EPC2: variants seen among roughly 807,000 people sequenced by gnomAD.
The protein encoded by EPC2 is enhancer of polycomb homolog 2.
A neutral mutation model predicts 92.1 loss-of-function variants in EPC2; 14 were observed. The observed-to-expected ratio is 0.15, with a 90% confidence interval of 0.10 to 0.24. The LOEUF (loss-of-function observed/expected upper bound fraction) is 0.24. Ranked by LOEUF, EPC2 falls within the 10% of genes least tolerant of loss-of-function variation. The pLI is 1.00. For synonymous variants in EPC2, 340 were observed against 334.7 expected (o/e 1.02, Z -0.17); for missense variants, 755 against 971.5 (o/e 0.78, Z 2.96).
rs201098073 is a variant in EPC2 at position 148,771,138 on chromosome 2, A to G, written c.1471A>G (p.Ile491Val). The change falls in exon 10 of 14, where the codon ATA becomes GTA. Residue 491 changes from isoleucine to valine, a missense_variant. Transcript: ENST00000258484. ...LNSFSSSSQTIDFSSNFSRTN... is the reference protein window; with the variant it reads ...LNSFSSSSQTVDFSSNFSRTN... ...TAGTTTTTCAAGCTCTTCCCAAACT[A>G]TAGACTTTTCTTCTAATTTCTCTCG... 8 of 1,613,978 alleles carry G rather than the reference A, an allele frequency of 5.0e-6. No individual in the cohort carries two copies. The highest frequency in any genetic ancestry group is 2.2e-5 in the East Asian group (1 of 44,874).
At chr2:148,755,434 A>G (rs1457856246) in intron 4 of EPC2, among the ~76,000 whole-genome samples, 1 of 152,158 alleles carries the variant, frequency 6.6e-6, no homozygotes. Context: ...AGGCGTGAGA[A>G]GTAGGGAAGG....
At chr2:148,731,642 TC>T (rs1682632758) in intron 2 of EPC2, among the ~76,000 whole-genome samples, 2 of 152,188 alleles carry the variant, frequency 1.3e-5, no homozygotes, top group South Asian at 4.1e-4. Context: ...CTTCAGGTGA[TC>T]CGCCTGCCTC....
intron 1 of EPC2, among the ~76,000 whole-genome samples, chr2:148,678,919 G>T (rs556224905): frequency 6.6e-5 from 10 of 152,368 alleles, no homozygotes; most frequent in African/African-American, 2.4e-4. Flanking sequence ...GCGAGCGAGG[G>T]CTGTGAGGAC....
chr2:148,715,891 G>A (rs552960405), intron 2 of EPC2, among the ~76,000 whole-genome samples: 1 of 152,138 alleles, frequency 6.6e-6, no homozygotes, highest in South Asian at 2.1e-4. Context: ...TGTCCTCTCT[G>A]ATTTCTTTGA....
intron 1 of EPC2, among the ~76,000 whole-genome samples, chr2:148,649,710 C>T (rs1367981278): frequency 6.6e-6 from 1 of 152,190 alleles, no homozygotes. Flanking sequence ...AGACCCTTGA[C>T]ATTGGTGTCA....
intron 2 of EPC2, among the ~76,000 whole-genome samples, chr2:148,703,637 T>C (rs2105378944): frequency 6.6e-6 from 1 of 152,240 alleles, no homozygotes; most frequent in East Asian, 1.9e-4. Flanking sequence ...CTAGCACTTC[T>C]CCCACCTCAA....
intron 1 of EPC2, among the ~76,000 whole-genome samples, chr2:148,664,157 A>T (rs1022303264): frequency 5.9e-5 from 9 of 152,190 alleles, no homozygotes; most frequent in African/African-American, 2.2e-4. Context: ...TTTTATATAT[A>T]GTGACATTAT....
chr2:148,712,344 A>G (rs1682163712), intron 2 of EPC2, among the ~76,000 whole-genome samples: 1 of 152,246 alleles, frequency 6.6e-6, no homozygotes, highest in South Asian at 2.1e-4. Context: ...CACAGGTTGT[A>G]CAAGTACTTT....
chr2:148,711,898 T>G (rs990577685), intron 2 of EPC2, among the ~76,000 whole-genome samples: 7 of 152,180 alleles, frequency 4.6e-5, no homozygotes, highest in Non-Finnish European at 7.4e-5. Context: ...TTATAGGTAC[T>G]CTGGCTTTGT....
At chr2:148,724,350 G>A (rs371956542) in intron 2 of EPC2, among the ~76,000 whole-genome samples, 1 of 152,030 alleles carries the variant, frequency 6.6e-6, no homozygotes, top group African/African-American at 2.4e-5. Flanking sequence ...CAGGATAATA[G>A]CATGTCCATC....
chr2:148,721,634 G>GCTTCACATGTTGCTTGTGTTC (rs1288373859), intron 2 of EPC2, among the ~76,000 whole-genome samples: 1 of 150,044 alleles, frequency 6.7e-6, no homozygotes, highest in Non-Finnish European at 1.5e-5. Flanking sequence ...AGTCATTGTT[G>GCTTCACATGTTGCTTGTGTTC]CTTCACATGT....
rs1683887001 is a variant in EPC2 at position 148,787,261 on chromosome 2, G to A, written c.*884G>A. On this transcript the variant is annotated 3_prime_UTR_variant, in exon 14 of 14. Transcript: ENST00000258484. Reference sequence around the variant, plus strand: ...CATTATATCATTGCAATAATTATTGGAAGTCTAGATATCGAGCCATCCCAG... The same window carrying A: ...CATTATATCATTGCAATAATTATTGAAAGTCTAGATATCGAGCCATCCCAG... The A allele has an allele frequency of 2.7e-5, 4 of 150,758 alleles. No homozygotes were observed. The highest frequency in any genetic ancestry group is 9.8e-5 in the African/African-American group (4 of 40,790). The allele number at this position is 150,758 out of a possible 1,614,324, so 9.3% of individuals were successfully genotyped here.
chr2:148,656,036 G>GT (rs1243574095), intron 1 of EPC2, among the ~76,000 whole-genome samples: 4 of 91,392 alleles, frequency 4.4e-5, no homozygotes, highest in Non-Finnish European at 8.8e-5. Flanking sequence ...GGGGGGGGGG[G>GT]GGTTATTCTA....
chr2:148,678,489 C>T lies in EPC2; in HGVS notation c.154-11725C>T, dbSNP rs531138699. On this transcript the variant is annotated intron_variant, in intron 1 of 13. Coordinates refer to ENST00000258484, the MANE Select transcript of EPC2 (RefSeq NM_015630.4). ...GAGGAGGCTCGGGCTGCGCAGGAGC[C>T]CATGGAGGGAGTGGGAGGCTTAGGC... 1.9e-4 allele frequency among the ~76,000 whole-genome samples: 29 copies of T among 152,360 alleles called. No individual in the cohort carries two copies. In the South Asian group the frequency reaches 5.6e-3, roughly 29 times the overall value.
intron 2 of EPC2, among the ~76,000 whole-genome samples, chr2:148,726,205 A>G (rs560069009): frequency 6.6e-6 from 1 of 152,262 alleles, no homozygotes; most frequent in African/African-American, 2.4e-5. Context: ...GTCCATGGAC[A>G]TTTGGGTTGC....
intron 1 of EPC2, among the ~76,000 whole-genome samples, chr2:148,679,305 A>G (rs1224422973): frequency 6.6e-6 from 1 of 152,178 alleles, no homozygotes; most frequent in Non-Finnish European, 1.5e-5. Context: ...TTAGTCTTGA[A>G]ATTTGATTCT....
intron 2 of EPC2, among the ~76,000 whole-genome samples, chr2:148,739,072 C>T (rs1198979446): frequency 6.6e-6 from 1 of 152,180 alleles, no homozygotes; most frequent in Non-Finnish European, 1.5e-5. Context: ...ATAGGTCCTT[C>T]TCCCAGGTTC....
intron 8 of EPC2, among the ~76,000 whole-genome samples, chr2:148,769,861 T>G (rs1419198996): frequency 6.6e-6 from 1 of 152,128 alleles, no homozygotes; most frequent in Non-Finnish European, 1.5e-5. Flanking sequence ...TGCTATATAA[T>G]GGTAAGCATA....
intron 1 of EPC2, among the ~76,000 whole-genome samples, chr2:148,681,609 AT>A (rs897047709): frequency 5.9e-5 from 9 of 151,854 alleles, no homozygotes; most frequent in African/African-American, 1.9e-4. Context: ...GTACTCTCTG[AT>A]TTTTTTTCTT....
Sources: gnomAD v4.1 joint callset for allele counts (sites outside exome capture counted in the v4.1 genomes callset) on GRCh38, gnomAD v4.1.1 for gene constraint, MANE v1.5 for transcripts, NCBI Gene and HGNC (gene_info 2026-07-23, HGNC 2026-07-21) for gene names.